Variants in ABCD3 observed in about 807,000 individuals in gnomAD.
The protein encoded by ABCD3 is ATP binding cassette subfamily D member 3.
A neutral mutation model predicts 105.5 loss-of-function variants in ABCD3; 41 were observed. The ratio of observed to expected loss-of-function variants is 0.39; its 90% CI spans 0.30 to 0.50. ABCD3 has a LOEUF of 0.50. Among genes scored for constraint, ABCD3 ranks in the 20% least tolerant of loss-of-function variants. The probability of loss-of-function intolerance (pLI) is 0.84; values close to 1 mark genes in which losing one functional copy is unlikely to be tolerated. For synonymous variants in ABCD3, 258 were observed against 269.0 expected (o/e 0.96, Z 0.40); for missense variants, 622 against 806.3 (o/e 0.77, Z 2.77).
rs752889080 is a variant in ABCD3, at chr1:94,517,170, C to G, written c.*41C>G. ...TATACCTGCTTCAGTGAAATAATTA[C>G]AGAATATACTTAGAAAGGCAAAGTA... On this transcript the variant is annotated 3_prime_UTR_variant, in exon 23 of 23. Coordinates refer to ENST00000370214, the MANE Select transcript of ABCD3 (RefSeq NM_002858.4). The G allele has an allele frequency of 7.0e-7, 1 of 1,428,676 alleles. No homozygotes were observed. Among genetic ancestry groups the G allele is most frequent in the South Asian group, 1.1e-5 (1 of 87,164 alleles). 88.5% of individuals were successfully genotyped at this position (1,428,676 alleles called of 1,614,324 possible). A position where few individuals can be genotyped will look rare whatever the true frequency, so the allele number is the denominator to read the frequency against.
chr1:94,389,685 A>G, the ABCD3 span, among the ~76,000 whole-genome samples: 3 of 152,058 alleles, frequency 2.0e-5, no homozygotes, highest in African/African-American at 7.2e-5. Flanking sequence ...TCCACATGCT[A>G]TATTTCTGTG....
At chr1:94,462,673 C>T (rs1647936800) in intron 2 of ABCD3, among the ~76,000 whole-genome samples, 1 of 152,004 alleles carries the variant, frequency 6.6e-6, no homozygotes, top group Non-Finnish European at 1.5e-5. Context: ...TCTAACTTTC[C>T]TCATTGTTTG....
chr1:94,403,485 C>T, the ABCD3 span, among the ~76,000 whole-genome samples: 74 of 152,276 alleles, frequency 4.9e-4, no homozygotes, highest in Middle Eastern at 3.4e-3. Flanking sequence ...ATGAGTCTTG[C>T]CTGATTCAAT....
At chr1:94,418,382 C>T (rs1246227704), upstream of ABCD3, 4 of 1,125,988 alleles carry the variant, frequency 3.6e-6, no homozygotes, top group Non-Finnish European at 5.1e-6. Flanking sequence ...CCGCCCTCTG[C>T]TCTCCTCCCA....
chr1:94,386,891 G>C, the ABCD3 span, among the ~76,000 whole-genome samples: 2 of 151,832 alleles, frequency 1.3e-5, no homozygotes, highest in East Asian at 3.9e-4. Flanking sequence ...AAATTTACTG[G>C]GTCAATTAAG....
the ABCD3 span, among the ~76,000 whole-genome samples, chr1:94,412,668 T>C: frequency 1.3e-5 from 2 of 152,200 alleles, no homozygotes; most frequent in African/African-American, 2.4e-5. Flanking sequence ...GTACATGCAT[T>C]TGTAACTATT....
chr1:94,511,165 G>A (rs926157513), intron 21 of ABCD3, among the ~76,000 whole-genome samples: 10 of 151,642 alleles, frequency 6.6e-5, no homozygotes, highest in African/African-American at 2.4e-4. Flanking sequence ...CTTCCTTCAG[G>A]AGCTCTTTTA....
At chr1:94,459,752 A>T (rs1647776608) in intron 2 of ABCD3, among the ~76,000 whole-genome samples, 1 of 152,204 alleles carries the variant, frequency 6.6e-6, no homozygotes, top group Non-Finnish European at 1.5e-5. Context: ...TGTACTCATT[A>T]GCAGTCATTC....
chr1:94,516,106 G>A (rs1028213570), intron 22 of ABCD3, among the ~76,000 whole-genome samples: 3 of 151,974 alleles, frequency 2.0e-5, no homozygotes, highest in African/African-American at 7.2e-5. Flanking sequence ...ACTTTAGGAT[G>A]TAGATGATAG....
chr1:94,508,157 T>C (rs1172764118), intron 21 of ABCD3, among the ~76,000 whole-genome samples: 1 of 152,178 alleles, frequency 6.6e-6, no homozygotes, highest in African/African-American at 2.4e-5. Flanking sequence ...CCATCTTGAA[T>C]TGATTTTTGT....
rs77061403 is a variant in ABCD3, at chr1:94,427,288, A to T, written c.110+8700A>T. Among the ~76,000 whole-genome samples the T allele has an allele frequency of 1.5e-3, 225 of 152,318 alleles. 1 individual carries two copies. The highest frequency in any genetic ancestry group is 5.1e-3 in the African/African-American group (210 of 41,566). On this transcript the variant is annotated intron_variant, in intron 1 of 22. Transcript: ENST00000370214. Reference sequence around the variant, plus strand: ...AGAACTGTATTAGCCTTGGTCTCTTACATGGAAAGGGCAGAAACCCTGATT... The same window carrying T: ...AGAACTGTATTAGCCTTGGTCTCTTTCATGGAAAGGGCAGAAACCCTGATT...
chr1:94,464,943 A>G (rs1323359411), intron 3 of ABCD3, 70 bp downstream of exon 3: 1 of 1,269,666 alleles, frequency 7.9e-7, no homozygotes, highest in East Asian at 2.3e-5. Context: ...AGGCTGGGTA[A>G]TTTATAAAGA....
intron 20 of ABCD3, among the ~76,000 whole-genome samples, chr1:94,504,307 G>A (rs1348907514): frequency 2.0e-5 from 3 of 151,562 alleles, no homozygotes; most frequent in Non-Finnish European, 2.9e-5. Context: ...TAGTAGATAC[G>A]AGGTTTCACC....
chr1:94,430,869 A>G (rs1310699792), intron 1 of ABCD3, among the ~76,000 whole-genome samples: 2 of 152,210 alleles, frequency 1.3e-5, no homozygotes, highest in Non-Finnish European at 2.9e-5. Context: ...TTGCATTATC[A>G]AAGTTAAATA....
chr1:94,447,899 A>T (rs1660419582), intron 1 of ABCD3, among the ~76,000 whole-genome samples: 1 of 152,248 alleles, frequency 6.6e-6, no homozygotes, highest in Non-Finnish European at 1.5e-5. Flanking sequence ...GACCTGCTCT[A>T]GGCATTCCTA....
At chr1:94,411,049 A>G in the ABCD3 span, among the ~76,000 whole-genome samples, 1 of 152,202 alleles carries the variant, frequency 6.6e-6, no homozygotes, top group Non-Finnish European at 1.5e-5. Flanking sequence ...TAGGGGATAC[A>G]TCTTCATGAT....
chr1:94,500,787 G>T (rs1339857040), intron 20 of ABCD3, among the ~76,000 whole-genome samples: 1 of 151,978 alleles, frequency 6.6e-6, no homozygotes, highest in African/African-American at 2.4e-5. Flanking sequence ...GACTTGCCTG[G>T]CTAGTGCTAT....
At position 94,506,435 on chromosome 1, in the gene ABCD3, T is replaced by C. The variant is rs545928975; in HGVS notation, c.1741-103T>C. ...TTGAATTAGAATAATTTTTATACTT[T>C]TGATTTACAAGACTACAAATGCATA... On this transcript the variant is annotated intron_variant, in intron 20 of 22. Coordinates refer to ENST00000370214, the MANE Select transcript of ABCD3 (RefSeq NM_002858.4). 5.7e-6 allele frequency: 4 copies of C among 706,662 alleles called. No homozygotes were observed. In the East Asian group the frequency reaches 1.1e-4, roughly 19 times the overall value. 43.8% of individuals were successfully genotyped at this position (706,662 alleles called of 1,614,324 possible). A position where few individuals can be genotyped will look rare whatever the true frequency, so the allele number is the denominator to read the frequency against.
chr1:94,503,223 C>T (rs921389777), intron 20 of ABCD3, among the ~76,000 whole-genome samples: 2 of 151,974 alleles, frequency 1.3e-5, no homozygotes, highest in African/African-American at 2.4e-5. Flanking sequence ...ATAGTGGGAG[C>T]GAGAGAGACA....
Sources: allele counts gnomAD v4.1 joint callset (sites outside exome capture counted in the v4.1 genomes callset), GRCh38; gene constraint gnomAD v4.1.1; transcripts MANE v1.5; gene names NCBI Gene and HGNC (gene_info 2026-07-23, HGNC 2026-07-21).